CDC26: variants seen among roughly 807,000 people sequenced by gnomAD.
CDC26 encodes cell division cycle 26.
In CDC26, 2 loss-of-function variants were observed where a neutral mutation model predicts 8.0. The observed-to-expected ratio is 0.25, with a 90% confidence interval of 0.10 to 0.79. The LOEUF (loss-of-function observed/expected upper bound fraction) is 0.79, where lower values mean the gene tolerates loss of function less well. CDC26 is among the 30% of genes least tolerant of loss of function. The pLI is 0.70. For synonymous variants in CDC26, 19 were observed against 34.9 expected (o/e 0.55, Z 1.60); for missense variants, 68 against 106.0 (o/e 0.64, Z 1.57).
At chr9:113,273,855 A>G in intron 1 of CDC26, among the ~76,000 whole-genome samples, 1 of 149,864 alleles carries the variant, frequency 6.7e-6, no homozygotes, top group Non-Finnish European at 1.5e-5. Flanking sequence ...AAGGCTCAAG[A>G]GAGCATTCCA....
intron 3 of CDC26, among the ~76,000 whole-genome samples, 184 bp from the exon 4 acceptor site, chr9:113,267,623 AC>A: frequency 6.6e-6 from 1 of 152,146 alleles, no homozygotes; most frequent in Non-Finnish European, 1.5e-5. Flanking sequence ...AAAAGTTGTA[AC>A]CCCTGATCAC....
rs558829563 is a variant in CDC26, at chr9:113,272,873, G to T, written c.-41-325C>A. Among the ~76,000 whole-genome samples the T allele has an allele frequency of 4.6e-5, 7 of 152,014 alleles. No individual in the cohort carries two copies. In the East Asian group the frequency reaches 1.4e-3, roughly 29 times the overall value. On this transcript the variant is annotated intron_variant, in intron 2 of 3. Transcript: ENST00000374206. ...TACCTGGCTAATTTTTGTGTTTTTT[G>T]TAGAAATGGGATCTCTCTCTGATGC...
chr9:113,274,441 G>A (rs12337200), intron 1 of CDC26, among the ~76,000 whole-genome samples: 4,898 of 152,092 alleles, frequency 0.032, 254 homozygotes, highest in African/African-American at 0.11. Context: ...TACTAAATCA[G>A]GCATTATCTT....
At chr9:113,271,029 G>A (rs1831948274) in intron 3 of CDC26, among the ~76,000 whole-genome samples, 1 of 152,216 alleles carries the variant, frequency 6.6e-6, no homozygotes, top group Non-Finnish European at 1.5e-5. Flanking sequence ...GACTGTAACA[G>A]TGGAGATGAA....
intron 1 of CDC26, among the ~76,000 whole-genome samples, chr9:113,274,214 T>G (rs1481268771): frequency 6.6e-6 from 1 of 152,054 alleles, no homozygotes; most frequent in East Asian, 1.9e-4. Flanking sequence ...CCTATAAAAA[T>G]TATAAAGGTC....
intron 3 of CDC26, among the ~76,000 whole-genome samples, chr9:113,267,842 C>T (rs1831887311): frequency 6.6e-6 from 1 of 152,140 alleles, no homozygotes; most frequent in African/African-American, 2.4e-5. Context: ...CAAAAATTAG[C>T]TGGGCATGGT....
intron 1 of CDC26, among the ~76,000 whole-genome samples, chr9:113,275,124 C>G (rs1035086632): frequency 1.3e-5 from 2 of 152,164 alleles, no homozygotes; most frequent in Non-Finnish European, 2.9e-5. Flanking sequence ...AATCTCCCGC[C>G]GCAGCCCAAA....
intron 3 of CDC26, among the ~76,000 whole-genome samples, chr9:113,271,759 CCAAA>C (rs1831960729): frequency 6.6e-6 from 1 of 152,184 alleles, no homozygotes; most frequent in South Asian, 2.1e-4. Context: ...TGTAAAGCAT[CCAAA>C]CAGAGATTTC....
chr9:113,273,747 G>A (rs1398397212), intron 1 of CDC26, among the ~76,000 whole-genome samples: 5 of 150,184 alleles, frequency 3.3e-5, no homozygotes, highest in Admixed American at 3.3e-4. Context: ...AGGAGGCTGA[G>A]GTGGAAGGAT....
chr9:113,269,797 CA>C (rs1298123359), intron 3 of CDC26, among the ~76,000 whole-genome samples: 3 of 152,234 alleles, frequency 2.0e-5, no homozygotes, highest in Admixed American at 6.5e-5. Context: ...TGGGATGAAG[CA>C]GGGGGAAAGA....
chr9:113,270,985 C>T (rs920429670), intron 3 of CDC26, among the ~76,000 whole-genome samples: 2 of 152,104 alleles, frequency 1.3e-5, no homozygotes, highest in Non-Finnish European at 2.9e-5. Flanking sequence ...GATGCCACTA[C>T]AATTATACAG....
chr9:113,272,556 AAATG>A lies in CDC26; in HGVS notation c.-41-12_-41-9del. ...AACCCAGTGAACTATTAGCTGTTAA[AAATG>A]AAAGAGAGGAGGAAAATCTGAAGGT... is the stretch of plus-strand genomic sequence containing the variant. On this transcript the variant is annotated splice_polypyrimidine_tract_variant and intron_variant, in intron 2 of 3. Transcript: ENST00000374206. 7.1e-7 allele frequency: 1 copy of A among 1,405,422 alleles called. No individual in the cohort carries two copies. Among genetic ancestry groups the A allele is most frequent in the Non-Finnish European group, 1.0e-6 (1 of 993,258 alleles). The allele number at this position is 1,405,422 out of a possible 1,614,324, so 87.1% of individuals were successfully genotyped here.
chr9:113,269,246 T>A (rs937598212), intron 3 of CDC26, among the ~76,000 whole-genome samples: 12 of 150,812 alleles, frequency 8.0e-5, no homozygotes, highest in African/African-American at 1.5e-4. Flanking sequence ...AAAAAAAAAA[T>A]AAATGCCAAC....
rs1212085181 is a variant in CDC26 at position 113,275,426 on chromosome 9, CCCCA to C, written c.-200_-197del. 1.5e-5 allele frequency: 5 copies of C among 331,184 alleles called. No individual in the cohort carries two copies. The highest frequency in any genetic ancestry group is 2.8e-5 in the Non-Finnish European group (5 of 180,506). 20.5% of individuals were successfully genotyped at this position (331,184 alleles called of 1,614,324 possible). Reference sequence around the variant, plus strand: ...GCCCCTTCCCGGAACCTCGGCTCCCCCCCAACGAAACTACTGCTAAGCCAACTGG... The same window carrying C: ...GCCCCTTCCCGGAACCTCGGCTCCCCACGAAACTACTGCTAAGCCAACTGG... On this transcript the variant is annotated 5_prime_UTR_variant, in exon 1 of 4. Transcript: ENST00000374206.
rs764264213 is a variant in CDC26, at chr9:113,272,440, C to T, written c.68G>A (p.Arg23Gln). ...LDDIEEFENIRKDLETRKKQK... is the reference protein window; with the variant it reads ...LDDIEEFENIQKDLETRKKQK... ...TTGTATTCATACCTCCAGGTCCTTTCGAATGTTCTCAAACTCTTCAATGTC... is the reference window on the plus strand; with the variant it reads ...TTGTATTCATACCTCCAGGTCCTTTTGAATGTTCTCAAACTCTTCAATGTC... The change falls in exon 3 of 4, where the codon CGA becomes CAA. Residue 23 changes from arginine to glutamine, a missense_variant. Arg to Gln is a conservative substitution (Grantham distance 43). Transcript: ENST00000374206. The T allele has an allele frequency of 4.3e-6, 7 of 1,611,232 alleles. No homozygotes were observed. The highest frequency in any genetic ancestry group is 3.3e-5 in the Admixed American group (2 of 59,990).
chr9:113,273,876 TC>T (rs1383413357), intron 1 of CDC26, among the ~76,000 whole-genome samples: 1 of 134,672 alleles, frequency 7.4e-6, no homozygotes, highest in Non-Finnish European at 1.6e-5. Context: ...CAGCCTGAAA[TC>T]CCAAGGTAAT....
intron 1 of CDC26, among the ~76,000 whole-genome samples, chr9:113,273,663 G>A (rs1331989377): frequency 6.6e-6 from 1 of 151,824 alleles, no homozygotes; most frequent in East Asian, 1.9e-4. Flanking sequence ...TGGTAACGTA[G>A]CAAGACCCTG....
chr9:113,274,800 G>C (rs539281980), intron 1 of CDC26, among the ~76,000 whole-genome samples: 1 of 152,222 alleles, frequency 6.6e-6, no homozygotes, highest in African/African-American at 2.4e-5. Context: ...TTTAATAAAT[G>C]TTCAATAAAT....
rs756180034 is a variant in CDC26, at chr9:113,267,439, T to C, written c.82A>G (p.Thr28Ala). The change falls in exon 4 of 4, where the codon ACC (threonine) becomes GCC (alanine). Residue 28 changes from threonine to alanine, a missense_variant and splice_region_variant. Thr to Ala is a moderately conservative substitution (Grantham distance 58). Transcript: ENST00000374206. ...ACATCTTCCTTCTGTTTCTTACGGG[T>C]CTGAAAGTATAAAAGTTTTAGGATT... ...EFENIRKDLE[T>A]RKKQKEDVEV... 34 of 1,598,284 alleles carry C rather than the reference T, an allele frequency of 2.1e-5. No individual in the cohort carries two copies. The highest frequency in any genetic ancestry group is 2.9e-5 in the Non-Finnish European group (34 of 1,174,938).
Sources: gnomAD v4.1 joint callset for allele counts (sites outside exome capture counted in the v4.1 genomes callset) on GRCh38, gnomAD v4.1.1 for gene constraint, MANE v1.5 for transcripts, NCBI Gene and HGNC (gene_info 2026-07-23, HGNC 2026-07-21) for gene names.